The following SGCZ variants were observed in gnomAD, a reference collection of about 807,000 sequenced individuals.
SGCZ encodes zeta-sarcoglycan.
Under a neutral mutation model 41.3 loss-of-function variants are expected in SGCZ, and 40 were observed. That is an observed-to-expected ratio of 0.97 (90% CI 0.75 to 1.26). SGCZ has a LOEUF of 1.26. Ranked by LOEUF, SGCZ falls within the 50% of genes most tolerant of loss-of-function variation. The probability of loss-of-function intolerance (pLI) is 0.00; values close to 1 mark genes in which losing one functional copy is unlikely to be tolerated. For synonymous variants in SGCZ, 206 were observed against 137.5 expected (o/e 1.50, Z -3.49); for missense variants, 552 against 369.8 (o/e 1.49, Z -4.04).
At chr8:15,078,072 G>A (rs887361620) in intron 1 of SGCZ, among the ~76,000 whole-genome samples, 1 of 151,554 alleles carries the variant, frequency 6.6e-6, no homozygotes, top group Non-Finnish European at 1.5e-5. Context: ...GTGGGAGGAG[G>A]AGCCTGTCCT....
chr8:14,261,793 G>T (rs1333238633), intron 3 of SGCZ, among the ~76,000 whole-genome samples: 1 of 151,948 alleles, frequency 6.6e-6, no homozygotes, highest in Non-Finnish European at 1.5e-5. Context: ...ATTTCATTAG[G>T]GTATGGACTA....
chr8:14,123,143 A>T (rs561660967), intron 5 of SGCZ, among the ~76,000 whole-genome samples: 1 of 152,230 alleles, frequency 6.6e-6, no homozygotes, highest in Non-Finnish European at 1.5e-5. Flanking sequence ...AACTTAACGT[A>T]CATTTTAAGC....
At chr8:14,473,930 C>A (rs1801284498) in intron 2 of SGCZ, among the ~76,000 whole-genome samples, 1 of 108,602 alleles carries the variant, frequency 9.2e-6, no homozygotes, top group African/African-American at 3.6e-5. Context: ...AGAGCAAGAC[C>A]CTGTCTCAAA....
intron 1 of SGCZ, among the ~76,000 whole-genome samples, chr8:14,610,186 C>T (rs996014819): frequency 6.6e-6 from 1 of 152,066 alleles, no homozygotes; most frequent in African/African-American, 2.4e-5. Flanking sequence ...TAAGTGGCCC[C>T]AACCTATATT....
chr8:15,031,017 G>A (rs185422007), intron 1 of SGCZ, among the ~76,000 whole-genome samples: 26 of 152,012 alleles, frequency 1.7e-4, no homozygotes, highest in Admixed American at 5.9e-4. Flanking sequence ...AAATAAATCC[G>A]AATTTTATTT....
intron 2 of SGCZ, among the ~76,000 whole-genome samples, chr8:14,451,028 G>A (rs1585531846): frequency 6.6e-6 from 1 of 152,150 alleles, no homozygotes; most frequent in African/African-American, 2.4e-5. Flanking sequence ...AAACCACCAG[G>A]AGAGCAGAGG....
At chr8:15,012,182 G>T (rs969929652) in intron 1 of SGCZ, among the ~76,000 whole-genome samples, 9 of 152,054 alleles carry the variant, frequency 5.9e-5, no homozygotes, top group Admixed American at 5.9e-4. Flanking sequence ...ATATTTTATT[G>T]CTGGGCATGG....
chr8:14,914,748 C>T (rs1799377151), intron 1 of SGCZ, among the ~76,000 whole-genome samples: 1 of 152,152 alleles, frequency 6.6e-6, no homozygotes, highest in Non-Finnish European at 1.5e-5. Context: ...AGATGTTCCA[C>T]AAATACAATT....
intron 1 of SGCZ, among the ~76,000 whole-genome samples, chr8:15,178,444 G>T (rs934492467): frequency 6.6e-6 from 1 of 152,008 alleles, no homozygotes; most frequent in Non-Finnish European, 1.5e-5. Flanking sequence ...ATATTAAGAG[G>T]ACATATTTTC....
At chr8:15,160,058 G>A (rs1799464508) in intron 1 of SGCZ, among the ~76,000 whole-genome samples, 1 of 151,728 alleles carries the variant, frequency 6.6e-6, no homozygotes, top group Non-Finnish European at 1.5e-5. Flanking sequence ...TACCATATTG[G>A]CCCATTTTTA....
chr8:14,722,917 A>C (rs1199285445), intron 1 of SGCZ, among the ~76,000 whole-genome samples: 1 of 152,164 alleles, frequency 6.6e-6, no homozygotes, highest in Non-Finnish European at 1.5e-5. Context: ...CAAAGAAAAA[A>C]CTAGAATTTA....
At chr8:14,637,633 T>C (rs998922036) in intron 1 of SGCZ, among the ~76,000 whole-genome samples, 1 of 151,804 alleles carries the variant, frequency 6.6e-6, no homozygotes, top group African/African-American at 2.4e-5. Context: ...GCGTCCATGG[T>C]GCTGCAAAGG....
chr8:15,059,920 G>A (rs1181364812), intron 1 of SGCZ, among the ~76,000 whole-genome samples: 1 of 152,180 alleles, frequency 6.6e-6, no homozygotes, highest in Non-Finnish European at 1.5e-5. Context: ...AACAATGGGT[G>A]TGGAGAGAGG....
At chr8:14,568,228 T>A (rs938247382) in intron 1 of SGCZ, among the ~76,000 whole-genome samples, 15 of 151,516 alleles carry the variant, frequency 9.9e-5, no homozygotes, top group African/African-American at 3.6e-4. Context: ...CACTGGGGCC[T>A]GTCCGGGGGT....
At chr8:14,166,539 T>C (rs1419603084) in intron 4 of SGCZ, among the ~76,000 whole-genome samples, 1 of 152,166 alleles carries the variant, frequency 6.6e-6, no homozygotes, top group Non-Finnish European at 1.5e-5. Flanking sequence ...ATTATAGATA[T>C]CTTACACATA....
chr8:14,970,306 G>A (rs1257820610), intron 1 of SGCZ, among the ~76,000 whole-genome samples: 3 of 152,000 alleles, frequency 2.0e-5, no homozygotes, highest in African/African-American at 4.8e-5. Context: ...ACTCTGTCTT[G>A]TCTTTCATCC....
At chr8:15,085,151 A>G (rs1350472447) in intron 1 of SGCZ, among the ~76,000 whole-genome samples, 1 of 152,190 alleles carries the variant, frequency 6.6e-6, no homozygotes, top group Non-Finnish European at 1.5e-5. Context: ...AAATGTAGAC[A>G]GCCAATAGGA....
Position 14,543,839 on chromosome 8 carries a change from G to T in SGCZ, c.234+10893C>A, listed in dbSNP as rs558448564. Among the ~76,000 whole-genome samples, 12 of 152,228 alleles carry T rather than the reference G, an allele frequency of 7.9e-5. No individual in the cohort carries two copies. The East Asian group carries it at 1.5e-3, about 20-fold the overall frequency. ...CATTTTCGGACTGAGTTCAAATTCT[G>T]TTTGACTACATATTTGACTACTTAG... On this transcript the variant is annotated intron_variant, in intron 2 of 7. Transcript: ENST00000382080.
At chr8:15,139,364 C>CT (rs1221577811) in intron 1 of SGCZ, among the ~76,000 whole-genome samples, 1 of 152,108 alleles carries the variant, frequency 6.6e-6, no homozygotes, top group Non-Finnish European at 1.5e-5. Context: ...ATCAAGCACA[C>CT]TTTTTTCCTA....
Sources: gnomAD v4.1 joint callset for allele counts (sites outside exome capture counted in the v4.1 genomes callset) on GRCh38, gnomAD v4.1.1 for gene constraint, MANE v1.5 for transcripts, NCBI Gene and HGNC (gene_info 2026-07-23, HGNC 2026-07-21) for gene names.